The following NCALD variants were observed in gnomAD, a reference collection of about 807,000 sequenced individuals.
NCALD encodes neurocalcin delta.
NCALD carries 10 observed loss-of-function variants against 18.6 expected under a neutral mutation model. The ratio of observed to expected loss-of-function variants is 0.54; its 90% confidence interval spans 0.33 to 0.91. The LOEUF is 0.91. Among genes scored for constraint, NCALD ranks in the 40% least tolerant of loss-of-function variants. The probability of loss-of-function intolerance (pLI) is 0.03; values close to 1 mark genes in which losing one functional copy is unlikely to be tolerated. For missense variants in NCALD, 184 were observed against 247.6 expected (o/e 0.74, Z 1.72); for synonymous variants, 88 against 87.4 (o/e 1.01, Z -0.04).
In NCALD at chr8:102,108,994, C is replaced by A. The variant is rs540748780; in HGVS notation, c.-210+15243G>T. Among the ~76,000 whole-genome samples, 3 of 152,316 alleles carry A rather than the reference C, an allele frequency of 2.0e-5. No homozygotes were observed. The South Asian group carries it at 6.2e-4, about 32-fold the overall frequency. On this transcript the variant is annotated intron_variant, in intron 1 of 6. Coordinates refer to the NCALD transcript ENST00000311028. ...CGTCCCCTGTAAAATGAGATCGTAT[C>A]TGTGGCCCTCCTACCTCACAGCAAT... is the stretch of plus-strand genomic sequence containing the variant.
intron 2 of NCALD, among the ~76,000 whole-genome samples, chr8:101,712,540 G>A (rs1020090266): frequency 7.2e-6 from 1 of 138,532 alleles, no homozygotes; most frequent in African/African-American, 2.8e-5. Context: ...GACACACATA[G>A]GCTCAAAATA....
intron 4 of NCALD, among the ~76,000 whole-genome samples, chr8:101,871,454 A>G (rs760840888): frequency 2.0e-5 from 3 of 152,162 alleles, no homozygotes; most frequent in Non-Finnish European, 4.4e-5. Flanking sequence ...GGCCCAGCAC[A>G]ATACATGCTA....
intron 1 of NCALD, among the ~76,000 whole-genome samples, chr8:102,025,089 A>G (rs1822407574): frequency 6.6e-6 from 1 of 152,098 alleles, no homozygotes; most frequent in South Asian, 2.1e-4. Context: ...TCAACCTGAC[A>G]CTACCCTCCT....
intron 2 of NCALD, among the ~76,000 whole-genome samples, chr8:101,943,717 G>A (rs1188838565): frequency 6.6e-6 from 1 of 151,960 alleles, no homozygotes; most frequent in African/African-American, 2.4e-5. Flanking sequence ...GAGGCGGGCG[G>A]ATCGCAAGGT....
chr8:101,916,937 A>G (rs1817990059), intron 2 of NCALD, among the ~76,000 whole-genome samples: 1 of 151,922 alleles, frequency 6.6e-6, no homozygotes, highest in Non-Finnish European at 1.5e-5. Context: ...TTGTCAGATC[A>G]TCAAGGCAGA....
At chr8:101,984,359 A>G (rs1222514064) in intron 2 of NCALD, among the ~76,000 whole-genome samples, 4 of 152,244 alleles carry the variant, frequency 2.6e-5, no homozygotes, top group Non-Finnish European at 5.9e-5. Context: ...TACCAGTATA[A>G]CAATATATAT....
At chr8:101,951,669 C>T (rs1052752287) in intron 2 of NCALD, among the ~76,000 whole-genome samples, 1 of 152,196 alleles carries the variant, frequency 6.6e-6, no homozygotes, top group Admixed American at 6.5e-5. Flanking sequence ...TGGTACTCAG[C>T]AAATGTTTCT....
intron 4 of NCALD, among the ~76,000 whole-genome samples, chr8:101,827,823 T>G (rs913882716): frequency 6.6e-6 from 1 of 152,166 alleles, no homozygotes; most frequent in Non-Finnish European, 1.5e-5. Flanking sequence ...GATTTTTCCT[T>G]TAATCCTTAA....
intron 1 of NCALD, among the ~76,000 whole-genome samples, chr8:101,766,790 GCTGGT>G (rs1257893543): frequency 6.6e-6 from 1 of 152,142 alleles, no homozygotes; most frequent in African/African-American, 2.4e-5. Context: ...TGTTGGCCAG[GCTGGT>G]CTCGAACTTC....
chr8:101,821,809 GA>G (rs1219665585), intron 4 of NCALD, among the ~76,000 whole-genome samples: 3 of 146,892 alleles, frequency 2.0e-5, no homozygotes, highest in East Asian at 2.0e-4. Flanking sequence ...ACAAATTGGG[GA>G]AAAAAACCAC....
chr8:102,111,605 A>G (rs186773999), intron 1 of NCALD, among the ~76,000 whole-genome samples: 1 of 152,310 alleles, frequency 6.6e-6, no homozygotes, highest in African/African-American at 2.4e-5. Context: ...CAACACCCCA[A>G]TATTAAAAAG....
chr8:101,808,152 G>A (rs1813173115), intron 4 of NCALD, among the ~76,000 whole-genome samples: 1 of 152,176 alleles, frequency 6.6e-6, no homozygotes, highest in Admixed American at 6.5e-5. Context: ...GGCTCTAGAA[G>A]ATACCTTAGT....
At chr8:101,931,601 G>A (rs1316767121) in intron 2 of NCALD, among the ~76,000 whole-genome samples, 1 of 151,098 alleles carries the variant, frequency 6.6e-6, no homozygotes, top group Non-Finnish European at 1.5e-5. Flanking sequence ...TGTCTCAAGT[G>A]TCAATCACCT....
chr8:101,752,946 G>A (rs1017242490), intron 1 of NCALD, among the ~76,000 whole-genome samples: 4 of 146,162 alleles, frequency 2.7e-5, no homozygotes, highest in African/African-American at 1.1e-4. Flanking sequence ...CTAAATCTCT[G>A]AAATTCAACA....
chr8:102,075,247 T>C (rs1216759059), intron 1 of NCALD, among the ~76,000 whole-genome samples: 1 of 152,194 alleles, frequency 6.6e-6, no homozygotes, highest in Non-Finnish European at 1.5e-5. Flanking sequence ...ACCTCATAGA[T>C]GTTACCAAAA....
intron 1 of NCALD, among the ~76,000 whole-genome samples, chr8:101,727,629 C>T (rs1037443343): frequency 2.0e-5 from 3 of 152,216 alleles, no homozygotes; most frequent in African/African-American, 7.2e-5. Flanking sequence ...TACAGATGCA[C>T]ATTACCATGC....
At chr8:101,838,352 G>C (rs1269991412) in intron 4 of NCALD, among the ~76,000 whole-genome samples, 1 of 152,144 alleles carries the variant, frequency 6.6e-6, no homozygotes, top group Non-Finnish European at 1.5e-5. Flanking sequence ...CTCCCGAGTA[G>C]CTGGGACTAC....
rs71268530 is a variant in NCALD at position 101,801,643 on chromosome 8, C to CTTTTTTTTT, written c.-19-82004_-19-81996dup. On this transcript the variant is annotated intron_variant, in intron 4 of 6. Transcript: ENST00000311028. ...TCTCTATGATTTACAAGCACACTTA[C>CTTTTTTTTT]TTTTTTTTTTTTTTTTTTTTTTTTT... 1.3e-3 allele frequency among the ~76,000 whole-genome samples: 58 copies of CTTTTTTTTT among 44,176 alleles called. 20 individuals are homozygous for CTTTTTTTTT. Among genetic ancestry groups the CTTTTTTTTT allele is most frequent in the East Asian group, 4.6e-3 (5 of 1,082 alleles). 29.0% of individuals were successfully genotyped at this position (44,176 alleles called of 152,430 possible). A position where few individuals can be genotyped will look rare whatever the true frequency, so the allele number is the denominator to read the frequency against.
intron 1 of NCALD, among the ~76,000 whole-genome samples, chr8:102,080,013 G>A (rs1452136921): frequency 6.6e-6 from 1 of 152,134 alleles, no homozygotes; most frequent in African/African-American, 2.4e-5. Context: ...TCAAATAACA[G>A]GGAAGACGTG....
Sources: gnomAD v4.1 joint callset for allele counts (sites outside exome capture counted in the v4.1 genomes callset) on GRCh38, gnomAD v4.1.1 for gene constraint, MANE v1.5 for transcripts, NCBI Gene and HGNC (gene_info 2026-07-23, HGNC 2026-07-21) for gene names.